PALM2AKAP2: variants seen among roughly 807,000 people sequenced by gnomAD.
The protein encoded by PALM2AKAP2 is PALM2-AKAP2 fusion protein.
Under a neutral mutation model 71.5 loss-of-function variants are expected in PALM2AKAP2, and 37 were observed. The ratio of observed to expected loss-of-function variants is 0.52; its 90% confidence interval spans 0.40 to 0.68. The LOEUF (loss-of-function observed/expected upper bound fraction) is 0.68, where lower values mean the gene tolerates loss of function less well. Ranked by LOEUF, PALM2AKAP2 falls within the 30% of genes least tolerant of loss-of-function variation. The probability of loss-of-function intolerance (pLI) is 0.00; values close to 1 mark genes in which losing one functional copy is unlikely to be tolerated. For synonymous variants in PALM2AKAP2, 468 were observed against 478.8 expected (o/e 0.98, Z 0.29); for missense variants, 1,224 against 1,191.8 (o/e 1.03, Z -0.40).
intron 1 of PALM2AKAP2, among the ~76,000 whole-genome samples, chr9:109,843,064 C>T (rs1194303974): frequency 4.4e-5 from 6 of 136,090 alleles, no homozygotes; most frequent in African/African-American, 1.7e-4. Context: ...CGCTTGAACC[C>T]GGGAGGTGGA....
At chr9:109,977,068 A>G (rs914215770) in intron 6 of PALM2AKAP2, among the ~76,000 whole-genome samples, 1 of 151,808 alleles carries the variant, frequency 6.6e-6, no homozygotes, top group Non-Finnish European at 1.5e-5. Context: ...AGGCCACCTT[A>G]GAATCAGAGA....
At position 109,872,015 on chromosome 9, in the gene PALM2AKAP2, T is replaced by C. The variant is rs185112928; in HGVS notation, c.126+4444T>C. On this transcript the variant is annotated intron_variant, in intron 2 of 9. Transcript: ENST00000302798. ...TTTATTGATTAATTCATCCTTTCCT[T>C]CACTGATTTAAATGTCTTCTTTATC... 1.1e-4 allele frequency among the ~76,000 whole-genome samples: 16 copies of C among 152,324 alleles called. No individual in the cohort carries two copies. In the East Asian group the frequency reaches 3.1e-3, roughly 29 times the overall value.
intron 2 of PALM2AKAP2, among the ~76,000 whole-genome samples, chr9:110,150,747 G>C (rs1410314040): frequency 6.6e-6 from 1 of 152,184 alleles, no homozygotes; most frequent in Non-Finnish European, 1.5e-5. Flanking sequence ...ATGCACTTTT[G>C]CTTTCTTTCA....
chr9:109,810,673 A>C (rs1028548878), intron 1 of PALM2AKAP2, among the ~76,000 whole-genome samples: 12 of 152,044 alleles, frequency 7.9e-5, no homozygotes, highest in African/African-American at 2.9e-4. Flanking sequence ...TAGATGAGGG[A>C]GATTGTGGGC....
At chr9:109,780,667 G>C in intron 1 of PALM2AKAP2, 134 bp downstream of exon 1, 1 of 1,291,680 alleles carries the variant, frequency 7.7e-7, no homozygotes, top group South Asian at 1.3e-5. Context: ...CTCTGTCAGG[G>C]CTCAGCTAGG....
intron 1 of PALM2AKAP2, among the ~76,000 whole-genome samples, chr9:109,826,255 A>G (rs1214200414): frequency 2.0e-5 from 3 of 152,120 alleles, no homozygotes; most frequent in African/African-American, 7.2e-5. Flanking sequence ...TAGGAGATAT[A>G]CCTAATGTAA....
chr9:109,878,378 G>A (rs886121246), intron 2 of PALM2AKAP2, among the ~76,000 whole-genome samples: 31 of 152,174 alleles, frequency 2.0e-4, no homozygotes, highest in Admixed American at 2.0e-3. Context: ...CACTGTAAGA[G>A]TATAGTTAGG....
At chr9:110,128,747 C>T (rs1835671293) in intron 1 of PALM2AKAP2, among the ~76,000 whole-genome samples, 1 of 152,184 alleles carries the variant, frequency 6.6e-6, no homozygotes, top group African/African-American at 2.4e-5. Flanking sequence ...AGGCTGTGAA[C>T]ACAGTGAACA....
At chr9:109,795,415 C>T (rs764289975) in intron 1 of PALM2AKAP2, among the ~76,000 whole-genome samples, 8 of 152,120 alleles carry the variant, frequency 5.3e-5, no homozygotes, top group Non-Finnish European at 8.8e-5. Flanking sequence ...GAATCCCTCA[C>T]GACAATATTG....
At chr9:110,045,792 A>T (rs1294540127), upstream of PALM2AKAP2, among the ~76,000 whole-genome samples, 2 of 149,306 alleles carry the variant, frequency 1.3e-5, no homozygotes, top group African/African-American at 5.0e-5. Flanking sequence ...CTGGTCTTGA[A>T]CTCCTGACCT....
intron 1 of PALM2AKAP2, among the ~76,000 whole-genome samples, chr9:109,740,443 G>A (rs1478403837): frequency 6.6e-6 from 1 of 152,032 alleles, no homozygotes; most frequent in Non-Finnish European, 1.5e-5. Flanking sequence ...CTGATGGAAG[G>A]GAAGAAACAA....
At chr9:109,705,321 G>C (rs973872219) in intron 1 of PALM2AKAP2, among the ~76,000 whole-genome samples, 1 of 152,136 alleles carries the variant, frequency 6.6e-6, no homozygotes, top group African/African-American at 2.4e-5. Flanking sequence ...TGTGCCTCAG[G>C]CTCCTTGTTG....
rs571050925 is a variant in PALM2AKAP2, at chr9:110,080,740, G to A, written c.156+31885G>A. Among the ~76,000 whole-genome samples the A allele has an allele frequency of 1.8e-4, 28 of 152,152 alleles. 1 individual carries two copies. Among genetic ancestry groups the A allele is most frequent in the Non-Finnish European group, 2.8e-4 (19 of 68,026 alleles). ...GTTGCCCACGCTGGAGTGCAGTGGT[G>A]CGATCTTGGCTCACCACAACCTCCG... On this transcript the variant is annotated intron_variant, in intron 1 of 3. Transcript: ENST00000374525.
intron 1 of PALM2AKAP2, 133 bp downstream of exon 1, chr9:109,780,666 G>A: frequency 7.7e-7 from 1 of 1,291,050 alleles, no homozygotes; most frequent in Non-Finnish European, 1.1e-6. Flanking sequence ...ACTCTGTCAG[G>A]GCTCAGCTAG....
chr9:109,860,100 G>A (rs1415535452), intron 1 of PALM2AKAP2, among the ~76,000 whole-genome samples: 5 of 152,224 alleles, frequency 3.3e-5, no homozygotes, highest in Non-Finnish European at 7.3e-5. Flanking sequence ...GTGTTGAGAT[G>A]AGATAACTGA....
intron 1 of PALM2AKAP2, among the ~76,000 whole-genome samples, chr9:109,854,554 A>G (rs1829101420): frequency 6.6e-6 from 1 of 152,152 alleles, no homozygotes; most frequent in Admixed American, 6.5e-5. Flanking sequence ...ACTAGAAAAC[A>G]CAGAAGGATA....
chr9:110,044,761 C>T (rs1172349323), upstream of PALM2AKAP2, among the ~76,000 whole-genome samples: 1 of 151,392 alleles, frequency 6.6e-6, no homozygotes, highest in Non-Finnish European at 1.5e-5. Context: ...TTTGGTCTTT[C>T]GCCTTGCTAG....
At chr9:109,918,567 C>T (rs986237662) in intron 3 of PALM2AKAP2, among the ~76,000 whole-genome samples, 10 of 152,244 alleles carry the variant, frequency 6.6e-5, no homozygotes, top group African/African-American at 2.4e-4. Context: ...AGCACAGCAA[C>T]ATCTACTTGG....
At chr9:110,096,616 G>A (rs1834845654) in intron 1 of PALM2AKAP2, among the ~76,000 whole-genome samples, 1 of 152,146 alleles carries the variant, frequency 6.6e-6, no homozygotes, top group South Asian at 2.1e-4. Flanking sequence ...TGACCCATAT[G>A]TGGTACATGG....
Sources: gnomAD v4.1 joint callset for allele counts (sites outside exome capture counted in the v4.1 genomes callset) on GRCh38, gnomAD v4.1.1 for gene constraint, MANE v1.5 for transcripts, NCBI Gene and HGNC (gene_info 2026-07-23, HGNC 2026-07-21) for gene names.